The following SDK1 variants were observed in gnomAD, a reference collection of about 807,000 sequenced individuals.
SDK1 encodes the protein sidekick cell adhesion molecule 1, also known as protein sidekick-1.
Under a neutral mutation model 245.5 loss-of-function variants are expected in SDK1, and 157 were observed. The ratio of observed to expected loss-of-function variants is 0.64; its 90% CI spans 0.56 to 0.73. The LOEUF (loss-of-function observed/expected upper bound fraction) is 0.73. SDK1 is among the 30% of genes least tolerant of loss of function. The pLI, the probability that SDK1 is intolerant of heterozygous loss-of-function variation, is 0.00. For synonymous variants in SDK1, 1,647 were observed against 1,278.5 expected, an observed-to-expected ratio of 1.29 and a Z score of -6.15; for missense variants, 3,583 against 3,002.3, an observed-to-expected ratio of 1.19 and a Z score of -4.52.
In SDK1 at chr7:4,012,549, C is replaced by CTTTTTTTTTTTTTTTTTTTT. The variant is rs777199429; in HGVS notation, c.2420+338_2420+357dup. Among the ~76,000 whole-genome samples the CTTTTTTTTTTTTTTTTTTTT allele has an allele frequency of 4.6e-4, 12 of 25,988 alleles. 3 individuals are homozygous for CTTTTTTTTTTTTTTTTTTTT. Among genetic ancestry groups the CTTTTTTTTTTTTTTTTTTTT allele is most frequent in the East Asian group, 1.2e-3 (1 of 832 alleles). 17.0% of individuals were successfully genotyped at this position (25,988 alleles called of 152,430 possible). A position where few individuals can be genotyped will look rare whatever the true frequency, so the allele number is the denominator to read the frequency against. ...GCAAGGTATATTGTTCAATGTGAAG[C>CTTTTTTTTTTTTTTTTTTTT]TTTTTTTTTTTTTTTTTTTTTTTTT... is the stretch of plus-strand genomic sequence containing the variant. On this transcript the variant is annotated intron_variant, in intron 16 of 44. Transcript: ENST00000404826.
At chr7:4,070,758 G>A (rs535424348) in intron 20 of SDK1, among the ~76,000 whole-genome samples, 4 of 150,884 alleles carry the variant, frequency 2.7e-5, no homozygotes, top group Non-Finnish European at 5.9e-5. Flanking sequence ...AGCCCAGGAT[G>A]GAGTACAGTG....
At chr7:3,475,596 T>C (rs1781327275) in intron 1 of SDK1, among the ~76,000 whole-genome samples, 1 of 152,226 alleles carries the variant, frequency 6.6e-6, no homozygotes, top group Non-Finnish European at 1.5e-5. Flanking sequence ...AAAGAAATTA[T>C]TTCTCATTGA....
rs114340538 is a variant in SDK1, at chr7:3,310,627, G to C, written c.298+8743G>C. Among the ~76,000 whole-genome samples the C allele has an allele frequency of 4.7e-3, 712 of 152,288 alleles. 7 individuals carry two copies. Among genetic ancestry groups the C allele is most frequent in the African/African-American group, 0.016 (683 of 41,566 alleles). On this transcript the variant is annotated intron_variant, in intron 1 of 44. Coordinates refer to ENST00000404826, the MANE Select transcript of SDK1 (RefSeq NM_152744.4). ...CCACCTCTGGGCAGCATGATCATTA[G>C]TTTGGTTTTGAATTTATTAATGTGA...
At chr7:3,619,353 A>C (rs993402277) in intron 2 of SDK1, 114 bp downstream of exon 2, 107 of 822,554 alleles carry the variant, frequency 1.3e-4, no homozygotes, top group Non-Finnish European at 3.4e-5. Context: ...TTTCTAATGC[A>C]TTCAAGATTA....
chr7:3,758,522 C>A (rs1441901071), intron 4 of SDK1, among the ~76,000 whole-genome samples: 1 of 152,086 alleles, frequency 6.6e-6, no homozygotes, highest in African/African-American at 2.4e-5. Context: ...TATTTTTGTA[C>A]CAACCTAATA....
Position 3,987,189 on chromosome 7 carries a change from A to G in SDK1, c.1998A>G (p.Glu666=), listed in dbSNP as rs748728717. 1 of 1,613,958 alleles carries G rather than the reference A, an allele frequency of 6.2e-7. No homozygotes were observed. The highest frequency in any genetic ancestry group is 8.5e-7 in the Non-Finnish European group (1 of 1,179,950). ...DSRMARLEVI[E]LPHSPQNLLV... is the part of the protein sequence containing the mutation. ...TTTTCATCCCATTCAATTCAAGTGA[A>G]CTGCCTCATTCACCTCAGAACCTCC... Residue 666 remains glutamate, a synonymous_variant, in exon 14 of 45, where the codon GAA becomes GAG. Transcript: ENST00000404826.
At position 3,820,343 on chromosome 7, in the gene SDK1, T is replaced by G. The variant is rs185525368; in HGVS notation, c.714-1107T>G. Among the ~76,000 whole-genome samples the G allele has an allele frequency of 4.5e-4, 68 of 152,166 alleles. 1 individual carries two copies. The highest frequency in any genetic ancestry group is 3.1e-3 in the Admixed American group (47 of 15,280). ...TTTTGTATTTTCAGTAGAGATGAGG[T>G]TTCACCATGTTGGCCAGGATGGTCT... On this transcript the variant is annotated intron_variant, in intron 4 of 44. Coordinates refer to ENST00000404826, the MANE Select transcript of SDK1 (RefSeq NM_152744.4).
chr7:3,755,698 G>A (rs1247179918), intron 4 of SDK1, among the ~76,000 whole-genome samples: 1 of 151,806 alleles, frequency 6.6e-6, no homozygotes, highest in East Asian at 1.9e-4. Flanking sequence ...CCAAACAAAC[G>A]CTGATAGGTT....
chr7:3,660,722 C>T (rs1166174568), intron 4 of SDK1, among the ~76,000 whole-genome samples: 2 of 152,200 alleles, frequency 1.3e-5, no homozygotes, highest in African/African-American at 4.8e-5. Flanking sequence ...GATGATTTCT[C>T]TTCATGTTTT....
intron 1 of SDK1, among the ~76,000 whole-genome samples, chr7:3,466,370 GC>G (rs894639225): frequency 6.6e-6 from 1 of 150,740 alleles, no homozygotes; most frequent in Non-Finnish European, 1.5e-5. Flanking sequence ...GTGACATCAA[GC>G]CATGCTGGCT....
At chr7:3,847,518 G>C (rs1457785752) in intron 5 of SDK1, among the ~76,000 whole-genome samples, 1 of 152,208 alleles carries the variant, frequency 6.6e-6, no homozygotes, top group Non-Finnish European at 1.5e-5. Flanking sequence ...AGGAGGATTG[G>C]AAGCAAGCGT....
At chr7:3,522,677 TG>T (rs1272100326) in intron 1 of SDK1, among the ~76,000 whole-genome samples, 1 of 152,028 alleles carries the variant, frequency 6.6e-6, no homozygotes, top group Non-Finnish European at 1.5e-5. Context: ...TGCCAGAGGC[TG>T]GGGGGATAGT....
At chr7:3,351,470 A>T (rs1021749683) in intron 1 of SDK1, among the ~76,000 whole-genome samples, 3 of 152,120 alleles carry the variant, frequency 2.0e-5, no homozygotes, top group African/African-American at 4.8e-5. Context: ...AATTACAATA[A>T]ATGTAAATAG....
chr7:3,593,022 A>G (rs1436957984), intron 1 of SDK1, among the ~76,000 whole-genome samples: 1 of 152,216 alleles, frequency 6.6e-6, no homozygotes, highest in Non-Finnish European at 1.5e-5. Flanking sequence ...CACCTGGACA[A>G]AACGAGTGTT....
In SDK1 at chr7:3,580,996, C is replaced by CAAAAAAAAAAAAAAAAAA. The variant is rs1418335916; in HGVS notation, c.299-38080_299-38079insAAAAAAAAAAAAAAAAAA. Among the ~76,000 whole-genome samples, 12 of 92,958 alleles carry CAAAAAAAAAAAAAAAAAA rather than the reference C, an allele frequency of 1.3e-4. 2 individuals are homozygous for CAAAAAAAAAAAAAAAAAA. Among genetic ancestry groups the CAAAAAAAAAAAAAAAAAA allele is most frequent in the African/African-American group, 2.2e-4 (5 of 22,510 alleles). 61.0% of individuals were successfully genotyped at this position (92,958 alleles called of 152,430 possible). On this transcript the variant is annotated intron_variant, in intron 1 of 44. Coordinates refer to ENST00000404826, the MANE Select transcript of SDK1 (RefSeq NM_152744.4). Reference sequence around the variant, plus strand: ...AAAAAAAAAAAAAAAAAAAAAAAACCAAAACAAAACCCTGGAAGACAATCT... The same window carrying CAAAAAAAAAAAAAAAAAA: ...AAAAAAAAAAAAAAAAAAAAAAAACCAAAAAAAAAAAAAAAAAAAAAACAAAACCCTGGAAGACAATCT...
chr7:3,875,059 T>A (rs1420299729), intron 5 of SDK1, among the ~76,000 whole-genome samples: 2 of 152,222 alleles, frequency 1.3e-5, no homozygotes, highest in African/African-American at 4.8e-5. Flanking sequence ...TAGCCCATAC[T>A]TGGCCTTAGG....
intron 25 of SDK1, among the ~76,000 whole-genome samples, chr7:4,116,812 C>G (rs141197846): frequency 1.3e-5 from 2 of 152,192 alleles, no homozygotes; most frequent in Non-Finnish European, 2.9e-5. Context: ...ATGAGAGCCC[C>G]GGAAGAGCAG....
chr7:3,937,229 A>G (rs2128119737), intron 5 of SDK1, among the ~76,000 whole-genome samples: 1 of 152,270 alleles, frequency 6.6e-6, no homozygotes, highest in East Asian at 1.9e-4. Context: ...CTCAACAGGT[A>G]TTTATGAGGC....
intron 19 of SDK1, among the ~76,000 whole-genome samples, chr7:4,066,911 T>A (rs1001161281): frequency 6.6e-6 from 1 of 152,188 alleles, no homozygotes; most frequent in African/African-American, 2.4e-5. Context: ...GCATCTTGGA[T>A]TTTTAACTCA....
Sources: gnomAD v4.1 joint callset for allele counts (sites outside exome capture counted in the v4.1 genomes callset) on GRCh38, gnomAD v4.1.1 for gene constraint, MANE v1.5 for transcripts, NCBI Gene and HGNC (gene_info 2026-07-23, HGNC 2026-07-21) for gene names.